The following MDGA2 variants were observed in gnomAD, a reference collection of about 807,000 sequenced individuals.
MDGA2 encodes the protein MAM domain-containing glycosylphosphatidylinositol anchor protein 2.
MDGA2 carries 40 observed loss-of-function variants against 117.8 expected under a neutral mutation model. That is an observed-to-expected ratio of 0.34 (90% CI 0.26 to 0.44). The LOEUF is 0.44. Among genes scored for constraint, MDGA2 ranks in the 20% least tolerant of loss-of-function variants. MDGA2 has a pLI of 1.00. For synonymous variants in MDGA2, 452 were observed against 439.0 expected, an observed-to-expected ratio of 1.03 and a Z score of -0.37; for missense variants, 1,123 against 1,250.6, an observed-to-expected ratio of 0.90 and a Z score of 1.54.
chr14:47,427,370 G>A (rs898244626), intron 1 of MDGA2, among the ~76,000 whole-genome samples: 1 of 152,088 alleles, frequency 6.6e-6, no homozygotes, highest in African/African-American at 2.4e-5. Flanking sequence ...GTAAAACAGA[G>A]GGAAGGATGG....
intron 11 of MDGA2, among the ~76,000 whole-genome samples, chr14:46,879,241 T>C (rs933182886): frequency 1.3e-5 from 2 of 151,958 alleles, no homozygotes; most frequent in African/African-American, 4.8e-5. Flanking sequence ...GAAGAAGACA[T>C]GGTGAAAAAG....
At position 47,018,617 on chromosome 14, in the gene MDGA2, A is replaced by G. The variant is rs137982941; in HGVS notation, c.1819+16394T>C. Reference sequence around the variant, plus strand: ...ATAGCAAAGTAGATACTGAGAACACAGGAAGAATTCAAAGCAAGAGATTCA... The same window carrying G: ...ATAGCAAAGTAGATACTGAGAACACGGGAAGAATTCAAAGCAAGAGATTCA... On this transcript the variant is annotated intron_variant, in intron 8 of 16. Transcript: ENST00000399232. Among the ~76,000 whole-genome samples the G allele has an allele frequency of 6.6e-5, 10 of 151,650 alleles. No homozygotes were observed. The South Asian group carries it at 1.0e-3, about 16-fold the overall frequency.
chr14:47,172,785 C>G (rs867957078), intron 3 of MDGA2, among the ~76,000 whole-genome samples: 1 of 152,176 alleles, frequency 6.6e-6, no homozygotes, highest in African/African-American at 2.4e-5. Context: ...AGCAACGGAA[C>G]AAAGCTGGAT....
At chr14:46,961,379 A>G (rs2138277730) in intron 8 of MDGA2, among the ~76,000 whole-genome samples, 1 of 152,156 alleles carries the variant, frequency 6.6e-6, no homozygotes, top group African/African-American at 2.4e-5. Context: ...CCCTTTTCAA[A>G]TTTTGCACTT....
chr14:47,085,266 T>A (rs1226295297), intron 6 of MDGA2, among the ~76,000 whole-genome samples: 1 of 152,052 alleles, frequency 6.6e-6, no homozygotes, highest in Admixed American at 6.6e-5. Flanking sequence ...AATTAGCATT[T>A]GAAATATAAT....
At chr14:47,087,460 CAAAAAAAAA>C (rs749371957) in intron 6 of MDGA2, among the ~76,000 whole-genome samples, 3 of 67,956 alleles carry the variant, frequency 4.4e-5, no homozygotes, top group Admixed American at 1.7e-4. Context: ...GACTCCACAT[CAAAAAAAAA>C]AAAAAAAAAA....
chr14:47,340,490 TCCTAC>T (rs1363185650), intron 1 of MDGA2, among the ~76,000 whole-genome samples: 1 of 152,150 alleles, frequency 6.6e-6, no homozygotes, highest in Non-Finnish European at 1.5e-5. Flanking sequence ...CATCTAGTTA[TCCTAC>T]TCTGGAGAAT....
chr14:46,966,010 T>G (rs1886016610), intron 8 of MDGA2, among the ~76,000 whole-genome samples: 1 of 151,954 alleles, frequency 6.6e-6, no homozygotes, highest in Non-Finnish European at 1.5e-5. Context: ...TATACAAGTT[T>G]TTTCACTTAT....
intron 8 of MDGA2, among the ~76,000 whole-genome samples, chr14:47,006,182 T>G (rs1887702787): frequency 1.3e-5 from 2 of 151,314 alleles, no homozygotes; most frequent in South Asian, 4.1e-4. Flanking sequence ...TTTCAAGTGT[T>G]GAGCATACAT....
intron 1 of MDGA2, among the ~76,000 whole-genome samples, chr14:47,396,343 C>T (rs1892008341): frequency 1.3e-5 from 2 of 151,998 alleles, no homozygotes; most frequent in South Asian, 4.1e-4. Context: ...CCCTAGAAGA[C>T]CTAAAACCAT....
intron 2 of MDGA2, among the ~76,000 whole-genome samples, chr14:47,263,266 C>T (rs752195813): frequency 2.2e-4 from 33 of 152,148 alleles, no homozygotes; most frequent in Admixed American, 5.9e-4. Context: ...TAGTTAGGCA[C>T]GTGGATTCAA....
intron 3 of MDGA2, among the ~76,000 whole-genome samples, chr14:47,177,209 T>C (rs1479268242): frequency 6.6e-6 from 1 of 152,184 alleles, no homozygotes; most frequent in Non-Finnish European, 1.5e-5. Flanking sequence ...GGTGGGACTA[T>C]AAACTAGTTC....
intron 1 of MDGA2, among the ~76,000 whole-genome samples, chr14:47,655,737 A>G (rs557606280): frequency 6.6e-6 from 1 of 152,300 alleles, no homozygotes; most frequent in Admixed American, 6.5e-5. Flanking sequence ...TTTAGATCTA[A>G]GAGAGAACAC....
chr14:47,220,779 C>A (rs1239316772), intron 2 of MDGA2, among the ~76,000 whole-genome samples: 1 of 152,014 alleles, frequency 6.6e-6, no homozygotes, highest in Non-Finnish European at 1.5e-5. Flanking sequence ...ATCTCCAACA[C>A]GGAAAGCTCA....
At chr14:47,288,919 G>A (rs1388973405) in intron 2 of MDGA2, among the ~76,000 whole-genome samples, 1 of 152,118 alleles carries the variant, frequency 6.6e-6, no homozygotes, top group Non-Finnish European at 1.5e-5. Flanking sequence ...GCATCTTGCA[G>A]CTTTTCAGAA....
chr14:47,180,224 C>T (rs1884644359), intron 3 of MDGA2, among the ~76,000 whole-genome samples: 1 of 152,040 alleles, frequency 6.6e-6, no homozygotes, highest in Non-Finnish European at 1.5e-5. Context: ...ATGTTGTTCC[C>T]CTCTAAGCAT....
intron 1 of MDGA2, among the ~76,000 whole-genome samples, chr14:47,576,732 G>C (rs1896122071): frequency 1.3e-5 from 2 of 152,074 alleles, no homozygotes; most frequent in South Asian, 4.2e-4. Flanking sequence ...AAAAATCTAA[G>C]ATATATTTTC....
At chr14:46,852,038 T>C (rs986692048) in intron 15 of MDGA2, among the ~76,000 whole-genome samples, 4 of 151,676 alleles carry the variant, frequency 2.6e-5, no homozygotes, top group African/African-American at 9.7e-5. Flanking sequence ...ATTAATGAAA[T>C]AAAGTCCTTA....
At chr14:47,280,611 G>C (rs1275815105) in intron 2 of MDGA2, among the ~76,000 whole-genome samples, 1 of 151,872 alleles carries the variant, frequency 6.6e-6, no homozygotes, top group South Asian at 2.1e-4. Flanking sequence ...CAGGATTCTG[G>C]ATGCTCTATC....
Sources: allele counts gnomAD v4.1 joint callset (sites outside exome capture counted in the v4.1 genomes callset), GRCh38; gene constraint gnomAD v4.1.1; transcripts MANE v1.5; gene names NCBI Gene and HGNC (gene_info 2026-07-23, HGNC 2026-07-21).